Variants in RBX1 observed in about 807,000 individuals in gnomAD.
The protein encoded by RBX1 is E3 ubiquitin-protein ligase RBX1.
For synonymous variants in RBX1, 48 were observed against 47.9 expected (o/e 1.00, Z -0.01); for missense variants, 46 against 141.4 (o/e 0.33, Z 3.42).
At chr22:40,964,325 G>A in intron 3 of RBX1, 1 of 447,298 alleles carries the variant, frequency 2.2e-6, no homozygotes, top group Non-Finnish European at 4.0e-6. Flanking sequence ...GCACTTATTT[G>A]TCTTAATTAT....
At chr22:40,961,672 G>A (rs758487917) in intron 2 of RBX1, among the ~76,000 whole-genome samples, 9 of 152,144 alleles carry the variant, frequency 5.9e-5, no homozygotes, top group Non-Finnish European at 1.0e-4. Flanking sequence ...CCAAAACGCT[G>A]GGATTATAGG....
chr22:40,957,970 A>G (rs1601535506), intron 2 of RBX1, among the ~76,000 whole-genome samples: 1 of 151,838 alleles, frequency 6.6e-6, no homozygotes, highest in Non-Finnish European at 1.5e-5. Flanking sequence ...GATTACAGGT[A>G]CCCGCCACCA....
intron 2 of RBX1, among the ~76,000 whole-genome samples, chr22:40,956,257 T>C (rs1272038042): frequency 6.6e-6 from 1 of 152,156 alleles, no homozygotes; most frequent in Non-Finnish European, 1.5e-5. Context: ...TCAGATGAAG[T>C]AGGATATTGA....
chr22:40,957,858 C>T (rs1178617523), intron 2 of RBX1, among the ~76,000 whole-genome samples: 1 of 151,724 alleles, frequency 6.6e-6, no homozygotes, highest in African/African-American at 2.4e-5. Flanking sequence ...CGGAGTCTCA[C>T]ACTGTCACCC....
At chr22:40,961,156 T>C (rs1012303958) in intron 2 of RBX1, among the ~76,000 whole-genome samples, 2 of 144,608 alleles carry the variant, frequency 1.4e-5, no homozygotes, top group African/African-American at 5.1e-5. Flanking sequence ...GGTACGATCA[T>C]GGTGCACTGC....
At chr22:40,953,427 C>T in intron 1 of RBX1, 128 bp from the exon 2 acceptor site, 1 of 631,712 alleles carries the variant, frequency 1.6e-6, no homozygotes, top group Non-Finnish European at 3.0e-6. Flanking sequence ...AACGTAATAT[C>T]CAAAAACTTT....
At chr22:40,964,162 T>C in intron 3 of RBX1, 45 bp downstream of exon 3, 1 of 1,434,284 alleles carries the variant, frequency 7.0e-7, no homozygotes, top group Non-Finnish European at 9.8e-7. Flanking sequence ...TAAACATATT[T>C]CCACTTTTCC....
intron 3 of RBX1, chr22:40,967,479 AT>A (rs2054781980): frequency 5.5e-6 from 1 of 182,618 alleles, no homozygotes; most frequent in Non-Finnish European, 1.1e-5. Context: ...AAGTGGAAGT[AT>A]CCCCTTACAG....
At chr22:40,958,797 T>TGGTTG (rs2058332201) in intron 2 of RBX1, among the ~76,000 whole-genome samples, 1 of 151,598 alleles carries the variant, frequency 6.6e-6, no homozygotes, top group Admixed American at 6.6e-5. Context: ...TGGTTTGGTT[T>TGGTTG]GGTTTGGTTT....
chr22:40,971,167 T>TGGG (rs1325956339), intron 4 of RBX1, among the ~76,000 whole-genome samples: 2 of 152,160 alleles, frequency 1.3e-5, no homozygotes, highest in African/African-American at 4.8e-5. Flanking sequence ...ATCTAAGAAT[T>TGGG]GCGGGGGTAT....
chr22:40,965,427 TTTTTTTG>T (rs967625631), intron 3 of RBX1, among the ~76,000 whole-genome samples: 8 of 151,920 alleles, frequency 5.3e-5, no homozygotes, highest in African/African-American at 7.2e-5. Context: ...TTTTTGTTTT[TTTTTTTG>T]TTTTTTGTTT....
intron 3 of RBX1, among the ~76,000 whole-genome samples, chr22:40,965,284 CAA>C (rs1481120067): frequency 6.7e-6 from 1 of 148,544 alleles, no homozygotes; most frequent in Admixed American, 6.7e-5. Flanking sequence ...GCCTGGGTGA[CAA>C]AGTGAGACTC....
chr22:40,952,092 C>A (rs917407861), intron 1 of RBX1, among the ~76,000 whole-genome samples: 2 of 152,120 alleles, frequency 1.3e-5, no homozygotes, highest in Non-Finnish European at 2.9e-5. Flanking sequence ...ACAACCACCC[C>A]ACTCTTGGGT....
intron 3 of RBX1, 118 bp from the exon 4 acceptor site, chr22:40,967,678 GTCT>G (rs2058357785): frequency 1.0e-5 from 7 of 670,852 alleles, no homozygotes; most frequent in South Asian, 2.0e-5. Context: ...GCCTCTCGTT[GTCT>G]TCTTTTCTTT....
At chr22:40,951,664 G>C (rs1359818870) in intron 1 of RBX1, among the ~76,000 whole-genome samples, 188 bp downstream of exon 1, 2 of 152,174 alleles carry the variant, frequency 1.3e-5, no homozygotes, top group Non-Finnish European at 2.9e-5. Flanking sequence ...ACTGTTGGGG[G>C]AAGTGTTGGT....
chr22:40,961,079 GC>G (rs2058338648), intron 2 of RBX1, among the ~76,000 whole-genome samples: 2 of 135,508 alleles, frequency 1.5e-5, no homozygotes, highest in Admixed American at 1.4e-4. Context: ...ACCGTGCCTG[GC>G]CTTTTTTTTT....
Position 40,951,790 on chromosome 22 carries a change from G to T in RBX1, c.78+314G>T, listed in dbSNP as rs1332314281. On this transcript the variant is annotated intron_variant, in intron 1 of 4. Transcript: ENST00000216225. ...TCACTGGAGTGGTTGAGAGGTGGGG[G>T]AAGGACAGGGTAGGGTGGGGTGGGG... is the stretch of plus-strand genomic sequence containing the variant. 1.0e-4 allele frequency among the ~76,000 whole-genome samples: 11 copies of T among 104,800 alleles called. No individual in the cohort carries two copies. In the Admixed American group the frequency reaches 1.1e-3, roughly 11 times the overall value. 68.8% of individuals were successfully genotyped at this position (104,800 alleles called of 152,430 possible). A position where few individuals can be genotyped will look rare whatever the true frequency, so the allele number is the denominator to read the frequency against.
chr22:40,954,440 C>T (rs1176631998), intron 2 of RBX1, among the ~76,000 whole-genome samples: 1 of 152,164 alleles, frequency 6.6e-6, no homozygotes, highest in Non-Finnish European at 1.5e-5. Context: ...TCATTTAAAT[C>T]TCCACATATT....
At chr22:40,965,054 C>CA (rs1056202071) in intron 3 of RBX1, among the ~76,000 whole-genome samples, 3 of 152,204 alleles carry the variant, frequency 2.0e-5, no homozygotes, top group African/African-American at 7.2e-5. Flanking sequence ...CCTGTAATCC[C>CA]AGCACTCTGG....
Sources: gnomAD v4.1 joint callset for allele counts (sites outside exome capture counted in the v4.1 genomes callset) on GRCh38, gnomAD v4.1.1 for gene constraint, MANE v1.5 for transcripts, NCBI Gene and HGNC (gene_info 2026-07-23, HGNC 2026-07-21) for gene names.